SPECC1: variants seen among roughly 807,000 people sequenced by gnomAD.
SPECC1 encodes cytospin-B.
SPECC1 carries 62 observed loss-of-function variants against 104.1 expected under a neutral mutation model. The observed-to-expected ratio is 0.60, with a 90% confidence interval of 0.49 to 0.74. The LOEUF (loss-of-function observed/expected upper bound fraction) is 0.74. SPECC1 is among the 30% of genes least tolerant of loss of function. The pLI is 0.00. For missense variants in SPECC1, 1,306 were observed against 1,310.5 expected, an observed-to-expected ratio of 1.00 and a Z score of 0.05; for synonymous variants, 513 against 501.6, an observed-to-expected ratio of 1.02 and a Z score of -0.30.
At position 20,315,922 on chromosome 17, in the gene SPECC1, G is replaced by C. The variant is rs2042034781; in HGVS notation, c.*1857G>C. 1 of 232,594 alleles carries C rather than the reference G, an allele frequency of 4.3e-6. No homozygotes were observed. The highest frequency in any genetic ancestry group is 8.5e-6 in the Non-Finnish European group (1 of 117,664). The allele number at this position is 232,594 out of a possible 1,614,324, so 14.4% of individuals were successfully genotyped here. A position where few individuals can be genotyped will look rare whatever the true frequency, so the allele number is the denominator to read the frequency against. On this transcript the variant is annotated 3_prime_UTR_variant, in exon 15 of 15. Transcript: ENST00000395527. ...CTTCAGAATGTCTGGAATGGGACCA[G>C]AGATGCAGTTCACATGTTTTGTAAG...
chr17:20,049,173 C>G (rs1363624699), intron 1 of SPECC1, among the ~76,000 whole-genome samples: 1 of 152,124 alleles, frequency 6.6e-6, no homozygotes, highest in African/African-American at 2.4e-5. Context: ...TATATATATG[C>G]TATCAGCAAA....
At chr17:20,258,831 G>A (rs748710362) in intron 11 of SPECC1, among the ~76,000 whole-genome samples, 3 of 152,194 alleles carry the variant, frequency 2.0e-5, no homozygotes, top group Non-Finnish European at 4.4e-5. Flanking sequence ...TGACTTTGGC[G>A]TCTTACACTT....
chr17:20,280,362 T>C (rs9901102), intron 12 of SPECC1, among the ~76,000 whole-genome samples: 38,961 of 152,182 alleles, frequency 0.26, 6,402 homozygotes, highest in African/African-American at 0.47. Context: ...AGAGGCTCCA[T>C]GACTGCTCAG....
chr17:20,194,809 A>C (rs550843289), intron 3 of SPECC1, among the ~76,000 whole-genome samples: 25 of 152,108 alleles, frequency 1.6e-4, no homozygotes, highest in Admixed American at 4.6e-4. Flanking sequence ...CAGCCAAGAA[A>C]ACAGATTCTT....
intron 14 of SPECC1, among the ~76,000 whole-genome samples, chr17:20,307,178 T>C (rs1388238604): frequency 6.6e-6 from 1 of 152,132 alleles, no homozygotes; most frequent in Non-Finnish European, 1.5e-5. Flanking sequence ...ATATAAAATA[T>C]AATGGTAAGG....
intron 12 of SPECC1, among the ~76,000 whole-genome samples, chr17:20,272,932 G>A (rs1399598644): frequency 6.6e-6 from 1 of 152,030 alleles, no homozygotes; most frequent in African/African-American, 2.4e-5. Flanking sequence ...TATTCCATTG[G>A]TATCTTTAGG....
At chr17:20,142,272 C>A (rs2030903585) in intron 3 of SPECC1, among the ~76,000 whole-genome samples, 1 of 152,010 alleles carries the variant, frequency 6.6e-6, no homozygotes, top group Non-Finnish European at 1.5e-5. Context: ...CAAAGTAATA[C>A]CTTAAAAAGA....
intron 1 of SPECC1, among the ~76,000 whole-genome samples, chr17:20,064,610 C>G (rs2046301377): frequency 6.6e-6 from 1 of 152,134 alleles, no homozygotes; most frequent in Non-Finnish European, 1.5e-5. Flanking sequence ...CGGGACCTCT[C>G]AAGGTCATGC....
chr17:20,041,517 C>CAT (rs1041532706), intron 1 of SPECC1, among the ~76,000 whole-genome samples: 1 of 151,718 alleles, frequency 6.6e-6, no homozygotes, highest in South Asian at 2.1e-4. Context: ...GCAGGGATTA[C>CAT]AGGCTGTGAG....
Position 20,096,818 on chromosome 17 carries a change from G to A in SPECC1, c.147+20G>A, listed in dbSNP as rs4925085. 1 of 1,602,772 alleles carries A rather than the reference G, an allele frequency of 6.2e-7. No homozygotes were observed. Among genetic ancestry groups the A allele is most frequent in the East Asian group, 2.2e-5 (1 of 44,476 alleles). On this transcript the variant is annotated intron_variant, in intron 2 of 14. Coordinates refer to ENST00000395527, the MANE Select transcript of SPECC1 (RefSeq NM_001243439.2). ...AGCAGGGTATGGATCAAAATGCACA[G>A]GGCCAGGCAGAGCGCCTGGATACCC...
In SPECC1 at chr17:20,239,355, T is replaced by G. The variant is rs7220746; in HGVS notation, c.2352-6571T>G. 9.6e-3 allele frequency: 8,794 copies of G among 918,814 alleles called. 539 individuals are homozygous for G. In the African/African-American group the frequency reaches 0.13, roughly 14 times the overall value. The allele number at this position is 918,814 out of a possible 1,614,324, so 56.9% of individuals were successfully genotyped here. Reference sequence around the variant, plus strand: ...GAAATCAGTGTTAACAGTGTGTACATTTTTCTTTACTCATGAATATGTATA... The same window carrying G: ...GAAATCAGTGTTAACAGTGTGTACAGTTTTCTTTACTCATGAATATGTATA... On this transcript the variant is annotated intron_variant, in intron 7 of 14. Coordinates refer to ENST00000395527, the MANE Select transcript of SPECC1 (RefSeq NM_001243439.2).
chr17:20,264,926 A>G (rs2040167542), intron 12 of SPECC1, among the ~76,000 whole-genome samples: 1 of 152,158 alleles, frequency 6.6e-6, no homozygotes, highest in African/African-American at 2.4e-5. Flanking sequence ...CTCCAGCTGC[A>G]TCCATGTTTT....
chr17:20,174,529 C>T (rs1460783696), intron 3 of SPECC1, among the ~76,000 whole-genome samples: 1 of 151,992 alleles, frequency 6.6e-6, no homozygotes, highest in Non-Finnish European at 1.5e-5. Flanking sequence ...CGATAGCTGC[C>T]TCTTCAGTCC....
chr17:20,190,561 C>T (rs1302365147), intron 3 of SPECC1, among the ~76,000 whole-genome samples: 1 of 152,192 alleles, frequency 6.6e-6, no homozygotes, highest in African/African-American at 2.4e-5. Context: ...ATAGTGTACT[C>T]CTGTTCCCAA....
At chr17:20,180,558 T>C (rs1343631382) in intron 3 of SPECC1, among the ~76,000 whole-genome samples, 1 of 152,236 alleles carries the variant, frequency 6.6e-6, no homozygotes, top group African/African-American at 2.4e-5. Context: ...CTAAGCTAAA[T>C]TGCCAACTTG....
intron 3 of SPECC1, among the ~76,000 whole-genome samples, chr17:20,116,803 CTTTTTTTTTTTTTTTTTTT>C (rs58127201): frequency 4.0e-5 from 2 of 50,424 alleles, no homozygotes; most frequent in East Asian, 5.2e-4. Flanking sequence ...TGTCTGGAGA[CTTTTTTTTTTTTTTTTTTT>C]TTTTTTTTTT....
At chr17:20,063,651 T>A (rs186093999) in intron 1 of SPECC1, among the ~76,000 whole-genome samples, 1 of 152,242 alleles carries the variant, frequency 6.6e-6, no homozygotes, top group East Asian at 1.9e-4. Flanking sequence ...AGGAAAACAA[T>A]TGTTGGCATC....
Position 20,270,754 on chromosome 17 carries a change from AG to A in SPECC1, c.2940+10463del, listed in dbSNP as rs370029536. Among the ~76,000 whole-genome samples the A allele has an allele frequency of 1.5e-3, 223 of 152,326 alleles. 1 individual carries two copies. The East Asian group carries it at 0.018, about 13-fold the overall frequency. On this transcript the variant is annotated intron_variant, in intron 12 of 14. Transcript: ENST00000395527. ...CTAGAAGTGAATTTGTTTTTGCAAA[AG>A]GGTGTGTTACACTTTCCATTTTAAT...
At chr17:20,286,096 C>T (rs1368312064) in intron 12 of SPECC1, among the ~76,000 whole-genome samples, 1 of 152,104 alleles carries the variant, frequency 6.6e-6, no homozygotes, top group Non-Finnish European at 1.5e-5. Flanking sequence ...TGTGAGCCAT[C>T]GCACATGACC....
Sources: gnomAD v4.1 joint callset for allele counts (sites outside exome capture counted in the v4.1 genomes callset) on GRCh38, gnomAD v4.1.1 for gene constraint, MANE v1.5 for transcripts, NCBI Gene and HGNC (gene_info 2026-07-23, HGNC 2026-07-21) for gene names.